The following DIPK1C variants were observed in gnomAD, a reference collection of about 807,000 sequenced individuals.
DIPK1C encodes the protein divergent protein kinase domain 1C, also known as familial non-conventional Alzheimer's dementia.
A neutral mutation model predicts 28.0 loss-of-function variants in DIPK1C; 33 were observed. That is an observed-to-expected ratio of 1.18 (90% CI 0.89 to 1.58). DIPK1C has a LOEUF of 1.58. DIPK1C is among the 40% of genes most tolerant of loss of function. The pLI, the probability that DIPK1C is intolerant of heterozygous loss-of-function variation, is 0.00. For synonymous variants in DIPK1C, 255 were observed against 248.8 expected (o/e 1.02, Z -0.23); for missense variants, 569 against 568.5 (o/e 1.00, Z -0.01).
At chr18:74,456,968 C>T (rs1986527817) in intron 1 of DIPK1C, 94 bp downstream of exon 1, 1 of 1,240,226 alleles carries the variant, frequency 8.1e-7, no homozygotes. Context: ...GGTGCCACCG[C>T]CACCCAAGTC....
intron 2 of DIPK1C, among the ~76,000 whole-genome samples, chr18:74,445,974 A>T (rs1986251235): frequency 6.6e-6 from 1 of 152,150 alleles, no homozygotes; most frequent in South Asian, 2.1e-4. Flanking sequence ...CCGTTCTTGC[A>T]CACCTCCCTG....
Position 74,446,951 on chromosome 18 carries a change from G to A in DIPK1C, c.531C>T (p.Gly177=), listed in dbSNP as rs928934172. 1.3e-6 allele frequency: 2 copies of A among 1,503,158 alleles called. No individual in the cohort carries two copies. The highest frequency in any genetic ancestry group is 4.3e-5 in the Admixed American group (2 of 46,552). The allele number at this position is 1,503,158 out of a possible 1,614,324, so 93.1% of individuals were successfully genotyped here. Residue 177 remains glycine (G), a synonymous_variant, in exon 2 of 4, where the codon GGC becomes GGT. Coordinates refer to ENST00000343998, the MANE Select transcript of DIPK1C (RefSeq NM_001044369.3). The part of the protein sequence containing the change: ...SLGPWWPGRR[G]PRWRGQLASL... ...TGGCCAGCTGTCCCCGCCAGCGTGG[G>A]CCCCGCCTGCCCGGCCACCACGGCC...
upstream of DIPK1C, among the ~76,000 whole-genome samples, chr18:74,460,105 G>T (rs1986594706): frequency 6.6e-6 from 1 of 152,184 alleles, no homozygotes. Context: ...CACCACAAGG[G>T]GAGAATCTGC....
intron 1 of DIPK1C, among the ~76,000 whole-genome samples, chr18:74,456,471 G>T (rs1986514601): frequency 6.6e-6 from 1 of 152,234 alleles, no homozygotes; most frequent in Admixed American, 6.5e-5. Context: ...CTGCTCGCCC[G>T]AGCGCACACT....
chr18:74,443,693 C>T (rs537080972), intron 2 of DIPK1C, among the ~76,000 whole-genome samples: 16 of 152,344 alleles, frequency 1.1e-4, no homozygotes, highest in African/African-American at 3.4e-4. Context: ...AACAACTTCT[C>T]ATTTTAATCT....
At chr18:74,438,627 A>G (rs1028040442) in intron 3 of DIPK1C, among the ~76,000 whole-genome samples, 3 of 152,194 alleles carry the variant, frequency 2.0e-5, no homozygotes, top group African/African-American at 7.2e-5. Flanking sequence ...TTCCTTTTCA[A>G]TGAATGGTCA....
At position 74,447,977 on chromosome 18, in the gene DIPK1C, T is replaced by A. The variant is rs1241617743; in HGVS notation, c.199-694A>T. ...TAAAAGAGTAGGGAGTGTTTGCATC[T>A]GAGCGGCGGTGAGCAAGGCTGTCCA... On this transcript the variant is annotated intron_variant, in intron 1 of 3. Transcript: ENST00000343998. The surrounding 1 kb of genome is among the most constrained non-coding windows in gnomAD (Gnocchi z 4.1). 6.6e-6 allele frequency among the ~76,000 whole-genome samples: 1 copy of A among 152,114 alleles called. No homozygotes were observed. The highest frequency in any genetic ancestry group is 2.4e-5 in the African/African-American group (1 of 41,414).
intron 3 of DIPK1C, among the ~76,000 whole-genome samples, chr18:74,441,608 A>G (rs897708737): frequency 6.6e-6 from 1 of 152,058 alleles, no homozygotes; most frequent in African/African-American, 2.4e-5. Context: ...TCTCAGTATT[A>G]TCTTTGATGG....
rs1243657756 is a variant in DIPK1C at position 74,447,246 on chromosome 18, A to G, written c.236T>C (p.Leu79Pro). The change falls in exon 2 of 4, where the codon CTC becomes CCC. Residue 79 changes from leucine (L) to proline (P), a missense_variant. Coordinates refer to ENST00000343998, the MANE Select transcript of DIPK1C (RefSeq NM_001044369.3). This position sits in a 1 kb window ranked among gnomAD's most constrained non-coding sequence, Gnocchi z 4.1. The part of the protein sequence containing the change: ...DYQGGTLAGD[L>P]CEDLCVAGEL... The stretch of plus-strand genomic sequence containing the variant: ...TCCCGCCACACACAGGTCCTCGCAG[A>G]GGTCCCCGGCCAGCGTGCCGCCCTG... The G allele has an allele frequency of 6.5e-7, 1 of 1,546,826 alleles. No homozygotes were observed. The highest frequency in any genetic ancestry group is 2.4e-5 in the East Asian group (1 of 40,868).
rs1342008219 is a variant in DIPK1C at position 74,457,098 on chromosome 18, G to T, written c.162C>A (p.Cys54Ter). The change falls in exon 1 of 4, where the codon TGC becomes TGA. Residue 54 changes from cysteine to a stop codon, truncating the protein, a stop_gained. Transcript: ENST00000343998. LOFTEE classifies it high-confidence loss of function. Reference protein sequence around the residue: ...RAHPGVLSERCTDEKSRRILA... With the variant: ...RAHPGVLSER ...GGATGCGCCGGCTCTTCTCGTCGGT[G>T]CAGCGCTCGGAGAGGACACCCGGGT... The T allele has an allele frequency of 4.4e-5, 65 of 1,469,770 alleles. No homozygotes were observed. The highest frequency in any genetic ancestry group is 5.5e-5 in the Non-Finnish European group (62 of 1,119,352). The allele number at this position is 1,469,770 out of a possible 1,614,324, so 91.0% of individuals were successfully genotyped here.
chr18:74,443,080 C>T (rs539263079), intron 2 of DIPK1C, among the ~76,000 whole-genome samples: 50 of 152,284 alleles, frequency 3.3e-4, no homozygotes, highest in Admixed American at 7.2e-4. Context: ...AGGACTGATA[C>T]GCAGAGGCCC....
chr18:74,442,751 A>C (rs1333154730), intron 2 of DIPK1C, among the ~76,000 whole-genome samples: 1 of 152,236 alleles, frequency 6.6e-6, no homozygotes, highest in African/African-American at 2.4e-5. Flanking sequence ...ATTGCTTTTC[A>C]TCTTTAGACA....
chr18:74,443,613 A>G (rs2144517650), intron 2 of DIPK1C, among the ~76,000 whole-genome samples: 4 of 152,354 alleles, frequency 2.6e-5, no homozygotes, highest in Admixed American at 2.6e-4. Context: ...GTGGAGAATA[A>G]TGAAGATAAA....
chr18:74,442,534 T>C (rs920896766), intron 2 of DIPK1C, among the ~76,000 whole-genome samples: 10 of 152,156 alleles, frequency 6.6e-5, no homozygotes, highest in African/African-American at 2.4e-4. Flanking sequence ...TTTCACCGTG[T>C]TAGCCAGGAT....
chr18:74,434,789 T>C lies in DIPK1C; in HGVS notation c.*1712A>G, dbSNP rs1352049895. On this transcript the variant is annotated 3_prime_UTR_variant, in exon 4 of 4. Coordinates refer to ENST00000343998, the MANE Select transcript of DIPK1C (RefSeq NM_001044369.3). ...AGTCCTAGGCCTGGCCGTTGAACTT[T>C]GGTTTTAATTTGCTCGTGCCACAGG... is the stretch of plus-strand genomic sequence containing the variant. The C allele has an allele frequency of 6.6e-6, 1 of 152,260 alleles. No individual in the cohort carries two copies. Among genetic ancestry groups the C allele is most frequent in the Non-Finnish European group, 1.5e-5 (1 of 68,060 alleles). The allele number at this position is 152,260 out of a possible 1,614,324, so 9.4% of individuals were successfully genotyped here. A position where few individuals can be genotyped will look rare whatever the true frequency, so the allele number is the denominator to read the frequency against.
chr18:74,436,347 T>A lies in DIPK1C; in HGVS notation c.*154A>T. The A allele has an allele frequency of 2.8e-6, 2 of 724,328 alleles. No homozygotes were observed. Among genetic ancestry groups the A allele is most frequent in the South Asian group, 3.8e-5 (2 of 52,554 alleles). The allele number at this position is 724,328 out of a possible 1,614,324, so 44.9% of individuals were successfully genotyped here. A position where few individuals can be genotyped will look rare whatever the true frequency, so the allele number is the denominator to read the frequency against. On this transcript the variant is annotated 3_prime_UTR_variant, in exon 4 of 4. Transcript: ENST00000343998. ...GGGTGGGACGAGAGCGAGGGAGCACTGTCTCTGGCAGCAGCACTTGCCACT... is the reference window on the plus strand; with the variant it reads ...GGGTGGGACGAGAGCGAGGGAGCACAGTCTCTGGCAGCAGCACTTGCCACT...
intron 1 of DIPK1C, among the ~76,000 whole-genome samples, chr18:74,450,555 G>A (rs930738861): frequency 1.3e-5 from 2 of 152,196 alleles, no homozygotes; most frequent in Non-Finnish European, 2.9e-5. Flanking sequence ...CCTGTGAAAA[G>A]CAGAGTGAGG....
At chr18:74,444,258 T>C (rs1318806251) in intron 2 of DIPK1C, among the ~76,000 whole-genome samples, 1 of 152,204 alleles carries the variant, frequency 6.6e-6, no homozygotes, top group Non-Finnish European at 1.5e-5. Flanking sequence ...GAGCACTGGC[T>C]GGCAATAGTT....
At chr18:74,442,650 A>G (rs1042806908) in intron 2 of DIPK1C, among the ~76,000 whole-genome samples, 20 of 152,234 alleles carry the variant, frequency 1.3e-4, no homozygotes, top group African/African-American at 4.6e-4. Flanking sequence ...TACACAGGCA[A>G]CTGTCATAGC....
Sources: allele counts gnomAD v4.1 joint callset (sites outside exome capture counted in the v4.1 genomes callset), GRCh38; gene constraint gnomAD v4.1.1; non-coding constraint Gnocchi (gnomAD v3.1); transcripts MANE v1.5; gene names NCBI Gene and HGNC (gene_info 2026-07-23, HGNC 2026-07-21).